The following SPIRE2 variants were observed in gnomAD, a reference collection of about 807,000 sequenced individuals.
The protein encoded by SPIRE2 is spire type actin nucleation factor 2.
SPIRE2 carries 76 observed loss-of-function variants against 80.7 expected under a neutral mutation model. The ratio of observed to expected loss-of-function variants is 0.94; its 90% CI spans 0.78 to 1.14. The LOEUF is 1.14. Ranked by LOEUF, SPIRE2 falls within the 50% of genes most tolerant of loss-of-function variation. The pLI, the probability that SPIRE2 is intolerant of heterozygous loss-of-function variation, is 0.00. For missense variants in SPIRE2, 1,196 were observed against 1,015.3 expected (o/e 1.18, Z -2.42); for synonymous variants, 535 against 432.6 (o/e 1.24, Z -2.94).
chr16:89,861,064 GGGT>G (rs1184311079), intron 10 of SPIRE2, among the ~76,000 whole-genome samples: 1 of 152,198 alleles, frequency 6.6e-6, no homozygotes, highest in Non-Finnish European at 1.5e-5. Flanking sequence ...GTTCAGTGTG[GGGT>G]TAGGGCAGAC....
rs1300733423 is a variant in SPIRE2, at chr16:89,863,262, G to A, written c.1576-214G>A. 13 of 597,748 alleles carry A rather than the reference G, an allele frequency of 2.2e-5. No homozygotes were observed. Among genetic ancestry groups the A allele is most frequent in the Non-Finnish European group, 3.5e-5 (12 of 340,200 alleles). 37.0% of individuals were successfully genotyped at this position (597,748 alleles called of 1,614,324 possible). On this transcript the variant is annotated intron_variant, in intron 10 of 14. Transcript: ENST00000378247. This position sits in a 1 kb window ranked among gnomAD's most constrained non-coding sequence, Gnocchi z 4.3. ...AGTGAAGGCTGGGCTGGCCGGCAGG[G>A]TCCGCTGGTCATGGGAGGCCTGGCC...
intron 1 of SPIRE2, among the ~76,000 whole-genome samples, chr16:89,834,893 C>T (rs1399891139): frequency 8.1e-5 from 12 of 147,596 alleles, no homozygotes; most frequent in African/African-American, 2.5e-4. Flanking sequence ...CGCAGCTGGC[C>T]GTCGTAGAAG....
chr16:89,855,726 G>A (rs375807384), intron 6 of SPIRE2, 40 bp downstream of exon 6: 37 of 1,590,736 alleles, frequency 2.3e-5, no homozygotes, highest in Non-Finnish European at 3.1e-5. Context: ...GCCGCCCGGG[G>A]CCTGGTGCTG....
intron 9 of SPIRE2, among the ~76,000 whole-genome samples, chr16:89,859,972 G>A (rs1402742085): frequency 1.3e-5 from 2 of 152,228 alleles, no homozygotes; most frequent in African/African-American, 2.4e-5. Context: ...CCTTCCCAGT[G>A]TTAAGAGGTC....
intron 1 of SPIRE2, among the ~76,000 whole-genome samples, chr16:89,841,159 G>A (rs996563734): frequency 6.6e-6 from 1 of 151,502 alleles, no homozygotes; most frequent in Non-Finnish European, 1.5e-5. Flanking sequence ...ACTCCAGCCT[G>A]GGTGACAGAG....
intron 12 of SPIRE2, among the ~76,000 whole-genome samples, chr16:89,865,793 C>G (rs989775692): frequency 2.6e-5 from 4 of 151,694 alleles, no homozygotes. Flanking sequence ...ACGATGAAAC[C>G]CTGTCTCTAC....
intron 2 of SPIRE2, among the ~76,000 whole-genome samples, chr16:89,847,487 G>A (rs760170452): frequency 3.3e-5 from 5 of 152,228 alleles, no homozygotes; most frequent in East Asian, 1.9e-4. Flanking sequence ...GGGGCCTGCC[G>A]TGGTACATCT....
At chr16:89,836,232 C>A (rs1475270342) in intron 1 of SPIRE2, 1 of 455,762 alleles carries the variant, frequency 2.2e-6, no homozygotes, top group African/African-American at 2.0e-5. Flanking sequence ...GGTCAGAAAC[C>A]CAGGATGATC....
At chr16:89,838,494 C>G (rs769197783) in intron 1 of SPIRE2, among the ~76,000 whole-genome samples, 3 of 151,806 alleles carry the variant, frequency 2.0e-5, no homozygotes, top group Non-Finnish European at 4.4e-5. Context: ...TACAATAACT[C>G]TTATGGTAGG....
chr16:89,843,153 C>T (rs1398488873), intron 1 of SPIRE2, among the ~76,000 whole-genome samples: 1 of 152,206 alleles, frequency 6.6e-6, no homozygotes, highest in Non-Finnish European at 1.5e-5. Context: ...CCCAGCGCAG[C>T]ATCTTGGGAA....
At chr16:89,868,601 C>T (rs1244041067) in intron 13 of SPIRE2, among the ~76,000 whole-genome samples, 1 of 152,138 alleles carries the variant, frequency 6.6e-6, no homozygotes, top group African/African-American at 2.4e-5. Context: ...CGGTGGCTCA[C>T]ACCTGTAATC....
intron 2 of SPIRE2, 87 bp downstream of exon 2, chr16:89,845,452 TACACAGTTGTTTCAG>T: frequency 8.1e-7 from 1 of 1,239,902 alleles, no homozygotes; most frequent in South Asian, 1.2e-5. Flanking sequence ...CATATATAGT[TACACAGTTGTTTCAG>T]GGAGGCAGGG....
Position 89,855,596 on chromosome 16 carries a change from G to T in SPIRE2, c.892-4G>T. On this transcript the variant is annotated splice_region_variant and splice_polypyrimidine_tract_variant and intron_variant, in intron 5 of 14. Coordinates refer to ENST00000378247, the MANE Select transcript of SPIRE2 (RefSeq NM_032451.2). Reference sequence around the variant, plus strand: ...GGGCCTCAGATCAGCCGTCCTCCCCGCAGGTGGATGGGGACATCCCGCCCC... The same window carrying T: ...GGGCCTCAGATCAGCCGTCCTCCCCTCAGGTGGATGGGGACATCCCGCCCC... The T allele has an allele frequency of 6.2e-7, 1 of 1,612,192 alleles. No individual in the cohort carries two copies. Among genetic ancestry groups the T allele is most frequent in the Non-Finnish European group, 8.5e-7 (1 of 1,179,634 alleles).
chr16:89,864,809 A>T (rs183069791), intron 12 of SPIRE2, among the ~76,000 whole-genome samples: 92 of 152,340 alleles, frequency 6.0e-4, no homozygotes, highest in Middle Eastern at 3.4e-3. Context: ...AACAAAGCTC[A>T]AGAATAAGAA....
At chr16:89,839,881 G>GC (rs2041487709) in intron 1 of SPIRE2, among the ~76,000 whole-genome samples, 1 of 152,232 alleles carries the variant, frequency 6.6e-6, no homozygotes, top group South Asian at 2.1e-4. Flanking sequence ...GGCCCTGGTG[G>GC]CCTCACTGCC....
rs142539229 is a variant in SPIRE2, at chr16:89,847,565, G to T, written c.288+2200G>T. Among the ~76,000 whole-genome samples the T allele has an allele frequency of 7.9e-4, 121 of 152,300 alleles. No homozygotes were observed. In the Middle Eastern group the frequency reaches 0.024, roughly 30 times the overall value. ...GACTGTTTGTCTCAGAGGCGCATAC[G>T]TTAACCTGATCGCCCTGTCCCCAGG... On this transcript the variant is annotated intron_variant, in intron 2 of 14. Transcript: ENST00000378247.
At chr16:89,849,991 C>T in intron 2 of SPIRE2, 1 of 439,192 alleles carries the variant, frequency 2.3e-6, no homozygotes, top group Non-Finnish European at 4.3e-6. Flanking sequence ...GCGTGCACCA[C>T]CACGCCCAGC....
At chr16:89,842,211 T>C (rs2041513090) in intron 1 of SPIRE2, among the ~76,000 whole-genome samples, 1 of 113,056 alleles carries the variant, frequency 8.8e-6, no homozygotes, top group Admixed American at 8.8e-5. Flanking sequence ...ACACGTAATT[T>C]TTTTTTTTTT....
intron 1 of SPIRE2, among the ~76,000 whole-genome samples, chr16:89,843,691 G>GTTTTT (rs1224567542): frequency 4.8e-5 from 1 of 20,636 alleles, no homozygotes; most frequent in Non-Finnish European, 7.6e-5. Context: ...GTTTGTTTTT[G>GTTTTT]TTTTTTGTTT....
Sources: gnomAD v4.1 joint callset for allele counts (sites outside exome capture counted in the v4.1 genomes callset) on GRCh38, gnomAD v4.1.1 for gene constraint, Gnocchi (gnomAD v3.1) non-coding constraint, MANE v1.5 for transcripts, NCBI Gene and HGNC (gene_info 2026-07-23, HGNC 2026-07-21) for gene names.